TRRAP: variants seen among roughly 807,000 people sequenced by gnomAD.
TRRAP encodes transformation/transcription domain associated protein, also known as transformation/transcription domain-associated protein.
A neutral mutation model predicts 438.8 loss-of-function variants in TRRAP; 41 were observed. That is an observed-to-expected ratio of 0.09 (90% CI 0.07 to 0.12). The LOEUF (loss-of-function observed/expected upper bound fraction) is 0.12. Ranked by LOEUF, TRRAP falls within the 10% of genes least tolerant of loss-of-function variation. TRRAP has a pLI of 1.00. For missense variants in TRRAP, 3,122 were observed against 5,055.1 expected (o/e 0.62, Z 11.60); for synonymous variants, 1,994 against 1,962.9 (o/e 1.02, Z -0.42).
At chr7:98,909,019 ATTTT>A (rs879955419) in intron 14 of TRRAP, 57 bp downstream of exon 14, 1,362 of 1,084,976 alleles carry the variant, frequency 1.3e-3, no homozygotes, top group Middle Eastern at 2.0e-3. Context: ...TTGTGGCTAA[ATTTT>A]TTTTTTTTTT....
chr7:98,970,583 C>G (rs1254760148), intron 52 of TRRAP, among the ~76,000 whole-genome samples: 1 of 147,370 alleles, frequency 6.8e-6, no homozygotes, highest in Non-Finnish European at 1.5e-5. Flanking sequence ...AATGTGGTAC[C>G]TAAGTTCAGC....
At chr7:98,921,248 A>G (rs1458120500) in intron 20 of TRRAP, among the ~76,000 whole-genome samples, 3 of 152,210 alleles carry the variant, frequency 2.0e-5, no homozygotes, top group Non-Finnish European at 2.9e-5. Context: ...TACTTTCTTT[A>G]TAAAGACATA....
intron 11 of TRRAP, 81 bp downstream of exon 11, chr7:98,900,801 T>C (rs1554406549): frequency 7.6e-6 from 9 of 1,190,114 alleles, no homozygotes; most frequent in African/African-American, 1.5e-5. Context: ...TGTACAGTTC[T>C]AGGAATTGAC....
intron 30 of TRRAP, among the ~76,000 whole-genome samples, 169 bp from the exon 31 acceptor site, chr7:98,942,780 A>C (rs1554415958): frequency 1.3e-5 from 2 of 152,172 alleles, no homozygotes; most frequent in Admixed American, 1.3e-4. Flanking sequence ...TTGAAACATG[A>C]ACAAATGCCA....
At chr7:98,904,483 CAAAAAAAAAAAAA>C (rs59353514) in intron 12 of TRRAP, among the ~76,000 whole-genome samples, 4,951 of 45,574 alleles carry the variant, frequency 0.11, 123 homozygotes, top group South Asian at 0.19. Flanking sequence ...GACTCTGTCT[CAAAAAAAAAAAAA>C]AAAAAAAAAA....
chr7:98,981,362 A>G (rs1034340642), intron 58 of TRRAP, among the ~76,000 whole-genome samples: 1 of 152,228 alleles, frequency 6.6e-6, no homozygotes, highest in Non-Finnish European at 1.5e-5. Context: ...CGATCACACC[A>G]CTGCTCTGCA....
At chr7:98,915,967 T>G in intron 19 of TRRAP, 79 bp downstream of exon 19, 10 of 1,557,388 alleles carry the variant, frequency 6.4e-6, no homozygotes, top group Non-Finnish European at 8.7e-6. Context: ...TTGCTGGGTT[T>G]CATCCTCTGT....
chr7:98,930,943 G>C, intron 25 of TRRAP, 113 bp downstream of exon 25: 4 of 1,345,346 alleles, frequency 3.0e-6, no homozygotes, highest in Middle Eastern at 2.0e-4. Context: ...TGGTGACTTT[G>C]ATACTCAGAT....
chr7:98,883,042 A>G (rs1562923183), intron 3 of TRRAP, among the ~76,000 whole-genome samples: 2 of 152,224 alleles, frequency 1.3e-5, no homozygotes, highest in African/African-American at 4.8e-5. Context: ...TCTGGATGTC[A>G]TTTCTGGTTC....
chr7:98,943,531 T>G (rs1366983273), intron 31 of TRRAP, among the ~76,000 whole-genome samples: 4 of 152,218 alleles, frequency 2.6e-5, no homozygotes, highest in African/African-American at 4.8e-5. Flanking sequence ...TTTCAAGGTC[T>G]GCGTCATCCA....
At chr7:98,897,333 T>A (rs781965265) in intron 7 of TRRAP, among the ~76,000 whole-genome samples, 1 of 152,246 alleles carries the variant, frequency 6.6e-6, no homozygotes, top group Non-Finnish European at 1.5e-5. Context: ...GCTCGTAGTT[T>A]CTTCCCAGAA....
chr7:98,964,989 G>A (rs752168016), intron 48 of TRRAP, among the ~76,000 whole-genome samples: 2 of 152,200 alleles, frequency 1.3e-5, no homozygotes, highest in South Asian at 2.1e-4. Context: ...ACGGTGGCAC[G>A]CCTGTGGTCC....
chr7:98,945,908 T>C, intron 32 of TRRAP, 22 bp from the exon 33 acceptor site: 1 of 1,537,194 alleles, frequency 6.5e-7, no homozygotes. Context: ...TTTTTCATGC[T>C]GTAATTTTTG....
rs917674635 is a variant in TRRAP at position 99,012,989 on chromosome 7, C to CT, written c.*635dup. ...GGATTCAGTGGGTGAAGACAGAACT[C>CT]TGAGAGTCTGCAGGCGGCTCCTGTG... On this transcript the variant is annotated 3_prime_UTR_variant, in exon 73 of 73. Transcript: ENST00000456197. The surrounding 1 kb of genome is among the most constrained non-coding windows in gnomAD (Gnocchi z 5.9). 10 of 152,254 alleles carry CT rather than the reference C, an allele frequency of 6.6e-5. No homozygotes were observed. Among genetic ancestry groups the CT allele is most frequent in the African/African-American group, 2.2e-4 (9 of 41,462 alleles). 9.4% of individuals were successfully genotyped at this position (152,254 alleles called of 1,614,324 possible).
rs1789493343 is a variant in TRRAP, at chr7:98,915,713, C to T, written c.2200-10C>T. 3 of 1,612,422 alleles carry T rather than the reference C, an allele frequency of 1.9e-6. No homozygotes were observed. The highest frequency in any genetic ancestry group is 2.5e-6 in the Non-Finnish European group (3 of 1,178,900). On this transcript the variant is annotated splice_polypyrimidine_tract_variant and intron_variant, in intron 18 of 72. Coordinates refer to ENST00000456197, the MANE Select transcript of TRRAP (RefSeq NM_001375524.1). Reference sequence around the variant, plus strand: ...AGATGCCACTAATCTGCGTCTTCTCCACCCCGCAGCCTCACTTGCACAAGA... The same window carrying T: ...AGATGCCACTAATCTGCGTCTTCTCTACCCCGCAGCCTCACTTGCACAAGA...
intron 3 of TRRAP, among the ~76,000 whole-genome samples, chr7:98,888,514 G>A (rs1237510886): frequency 6.6e-6 from 1 of 152,210 alleles, no homozygotes; most frequent in East Asian, 1.9e-4. Flanking sequence ...TCCAGCCTGG[G>A]CGACAGAGTG....
At chr7:98,971,183 C>T (rs1165396907) in intron 52 of TRRAP, among the ~76,000 whole-genome samples, 2 of 152,120 alleles carry the variant, frequency 1.3e-5, no homozygotes. Flanking sequence ...GTTGCTAAAA[C>T]ACTAGATTAC....
At chr7:98,890,235 TA>T in intron 3 of TRRAP, 99 bp from the exon 4 acceptor site, 1 of 729,128 alleles carries the variant, frequency 1.4e-6, no homozygotes, top group Non-Finnish European at 1.9e-6. Context: ...TGCTTTTGGC[TA>T]AAATGTTTTA....
At chr7:98,989,418 C>T (rs1428583225) in intron 63 of TRRAP, among the ~76,000 whole-genome samples, 1 of 152,218 alleles carries the variant, frequency 6.6e-6, no homozygotes, top group Non-Finnish European at 1.5e-5. Flanking sequence ...GGGTGTCACC[C>T]ACGTGCTCAC....
Sources: allele counts gnomAD v4.1 joint callset (sites outside exome capture counted in the v4.1 genomes callset), GRCh38; gene constraint gnomAD v4.1.1; non-coding constraint Gnocchi (gnomAD v3.1); transcripts MANE v1.5; gene names NCBI Gene and HGNC (gene_info 2026-07-23, HGNC 2026-07-21).